Variants in TMEM132B observed in about 807,000 individuals in gnomAD.
TMEM132B encodes transmembrane protein 132B.
Under a neutral mutation model 90.8 loss-of-function variants are expected in TMEM132B, and 18 were observed. The observed-to-expected ratio is 0.20, with a 90% CI of 0.14 to 0.29. The LOEUF is 0.29. Among genes scored for constraint, TMEM132B ranks in the 10% least tolerant of loss-of-function variants. TMEM132B has a pLI of 1.00. For missense variants in TMEM132B, 1,096 were observed against 1,326.8 expected, an observed-to-expected ratio of 0.83 and a Z score of 2.70; for synonymous variants, 504 against 523.3, an observed-to-expected ratio of 0.96 and a Z score of 0.50.
At position 125,653,802 on chromosome 12, in the gene TMEM132B, G is replaced by A. The variant is rs750552527; in HGVS notation, c.2344G>A (p.Val782Ile). Residue 782 changes from valine to isoleucine, a missense_variant, in exon 9 of 9, where the codon GTT becomes ATT. Val to Ile is a conservative substitution (Grantham distance 29). Coordinates refer to ENST00000682704, the MANE Select transcript of TMEM132B (RefSeq NM_001366854.1). ...TTGTCAGAAGACCAAGAGGAAGAGT[G>A]TTCTTGCCGTGGGTAAAGGAAATGT... ...EPCQKTKRKSVLAVGKGNVKV... is the reference protein window; with the variant it reads ...EPCQKTKRKSILAVGKGNVKV... 3.7e-6 allele frequency: 6 copies of A among 1,614,204 alleles called. No homozygotes were observed. The highest frequency in any genetic ancestry group is 5.1e-6 in the Non-Finnish European group (6 of 1,180,044).
At chr12:125,298,560 G>A (rs1488487089) in intron 1 of TMEM132B, among the ~76,000 whole-genome samples, 8 of 148,722 alleles carry the variant, frequency 5.4e-5, no homozygotes, top group Admixed American at 2.0e-4. Context: ...TGTAATCCCA[G>A]CTGCTCGGGA....
At chr12:125,476,111 G>A (rs1193547007) in intron 3 of TMEM132B, among the ~76,000 whole-genome samples, 1 of 152,134 alleles carries the variant, frequency 6.6e-6, no homozygotes, top group East Asian at 1.9e-4. Flanking sequence ...GAGTCTGTTT[G>A]TTCTAAAAAT....
intron 1 of TMEM132B, among the ~76,000 whole-genome samples, chr12:125,265,630 A>G (rs1338636152): frequency 6.6e-6 from 1 of 152,190 alleles, no homozygotes; most frequent in Admixed American, 6.5e-5. Context: ...TCATGAAAAC[A>G]GGGGCCTCTG....
At chr12:125,224,695 A>AAAACCC (rs1219656410) in intron 1 of TMEM132B, among the ~76,000 whole-genome samples, 1 of 152,262 alleles carries the variant, frequency 6.6e-6, no homozygotes, top group African/African-American at 2.4e-5. Flanking sequence ...GGGCAGAAGA[A>AAAACCC]AAACCCCAAC....
intron 3 of TMEM132B, among the ~76,000 whole-genome samples, chr12:125,430,242 G>A (rs1319021690): frequency 6.6e-6 from 1 of 152,222 alleles, no homozygotes; most frequent in Non-Finnish European, 1.5e-5. Flanking sequence ...AGATTGGACC[G>A]TAGCTGTGGG....
intron 4 of TMEM132B, among the ~76,000 whole-genome samples, chr12:125,566,870 G>T (rs1214837465): frequency 9.5e-6 from 1 of 105,066 alleles, no homozygotes; most frequent in African/African-American, 4.0e-5. Context: ...TTTAGATGGA[G>T]TCTTGCACTG....
chr12:125,242,028 T>C (rs576157484), intron 1 of TMEM132B, among the ~76,000 whole-genome samples: 25 of 152,322 alleles, frequency 1.6e-4, no homozygotes, highest in Non-Finnish European at 3.5e-4. Flanking sequence ...TGTGAATGAA[T>C]AGAATAACAA....
intron 3 of TMEM132B, among the ~76,000 whole-genome samples, chr12:125,437,485 G>A (rs887023553): frequency 1.3e-5 from 2 of 152,174 alleles, no homozygotes; most frequent in Non-Finnish European, 2.9e-5. Context: ...GTAATTCTAT[G>A]TGTAATTTAT....
intron 1 of TMEM132B, among the ~76,000 whole-genome samples, chr12:125,341,666 AC>A (rs772753241): frequency 2.6e-5 from 4 of 152,206 alleles, no homozygotes; most frequent in Non-Finnish European, 5.9e-5. Context: ...GTGTCCATGA[AC>A]TTTTTTCTAC....
intron 1 of TMEM132B, among the ~76,000 whole-genome samples, chr12:125,271,962 AC>A (rs1360077217): frequency 6.6e-6 from 1 of 152,204 alleles, no homozygotes; most frequent in Non-Finnish European, 1.5e-5. Flanking sequence ...ATAGCCAGAA[AC>A]CTTCAAAATA....
chr12:125,365,282 A>G (rs1026619259), intron 2 of TMEM132B, among the ~76,000 whole-genome samples: 1 of 152,002 alleles, frequency 6.6e-6, no homozygotes, highest in African/African-American at 2.4e-5. Flanking sequence ...CTATTTTGAG[A>G]TAGACTTTCC....
chr12:125,353,341 G>A (rs1489255549), intron 2 of TMEM132B, among the ~76,000 whole-genome samples: 1 of 152,220 alleles, frequency 6.6e-6, no homozygotes, highest in East Asian at 1.9e-4. Context: ...GCTGTGGGGG[G>A]TTGGCACATA....
At chr12:125,444,605 G>T (rs1880954395) in intron 3 of TMEM132B, among the ~76,000 whole-genome samples, 1 of 152,134 alleles carries the variant, frequency 6.6e-6, no homozygotes, top group Non-Finnish European at 1.5e-5. Flanking sequence ...ATACTTTTAA[G>T]ATTTATTACA....
At chr12:125,650,638 C>G (rs1279043506) in intron 6 of TMEM132B, 45 bp from the exon 7 acceptor site, 2 of 1,587,008 alleles carry the variant, frequency 1.3e-6, no homozygotes, top group Non-Finnish European at 8.6e-7. Context: ...TGCAGAACTT[C>G]TTAACAATGA....
At chr12:125,502,210 A>G (rs1415856996) in intron 3 of TMEM132B, among the ~76,000 whole-genome samples, 1 of 152,110 alleles carries the variant, frequency 6.6e-6, no homozygotes, top group Non-Finnish European at 1.5e-5. Context: ...TCCTTTCACT[A>G]CTTTATCTAA....
chr12:125,495,010 T>C (rs1422994418), intron 3 of TMEM132B, among the ~76,000 whole-genome samples: 18 of 44,678 alleles, frequency 4.0e-4, no homozygotes, highest in Non-Finnish European at 4.5e-4. Flanking sequence ...CTCCTCCCTC[T>C]CCTCCCTGGA....
chr12:125,389,047 C>G (rs1017218983), intron 2 of TMEM132B, among the ~76,000 whole-genome samples: 8 of 151,574 alleles, frequency 5.3e-5, no homozygotes, highest in Non-Finnish European at 1.2e-4. Flanking sequence ...CACACACACA[C>G]ACACACACAA....
chr12:125,230,762 G>C (rs534917704), intron 1 of TMEM132B, among the ~76,000 whole-genome samples: 62 of 151,342 alleles, frequency 4.1e-4, no homozygotes, highest in African/African-American at 1.5e-3. Context: ...CCTCGGCCTC[G>C]CAAAGTGCTG....
chr12:125,313,464 C>G (rs1011475059), intron 1 of TMEM132B, among the ~76,000 whole-genome samples: 2 of 150,918 alleles, frequency 1.3e-5, no homozygotes, highest in African/African-American at 2.4e-5. Context: ...CCTTCTTTCT[C>G]TCTTCCTTTT....
Sources: allele counts gnomAD v4.1 joint callset (sites outside exome capture counted in the v4.1 genomes callset), GRCh38; gene constraint gnomAD v4.1.1; transcripts MANE v1.5; gene names NCBI Gene and HGNC (gene_info 2026-07-23, HGNC 2026-07-21).